WWC1: variants seen among roughly 807,000 people sequenced by gnomAD.
The protein encoded by WWC1 is WW and C2 domain containing 1, also known as protein KIBRA.
WWC1 carries 55 observed loss-of-function variants against 138.4 expected under a neutral mutation model. That is an observed-to-expected ratio of 0.40 (90% CI 0.32 to 0.50). WWC1 has a LOEUF of 0.50. WWC1 is among the 20% of genes least tolerant of loss of function. The pLI, the probability that WWC1 is intolerant of heterozygous loss-of-function variation, is 0.72. For missense variants in WWC1, 1,226 were observed against 1,420.4 expected (o/e 0.86, Z 2.20); for synonymous variants, 524 against 564.9 (o/e 0.93, Z 1.03).
chr5:168,352,201 C>T (rs1322500455), intron 1 of WWC1, among the ~76,000 whole-genome samples: 1 of 152,192 alleles, frequency 6.6e-6, no homozygotes, highest in Admixed American at 6.5e-5. Context: ...CTCAAGCTTT[C>T]TGAGCCTTAG....
At chr5:168,418,279 C>T (rs2073332061) in intron 9 of WWC1, among the ~76,000 whole-genome samples, 1 of 152,170 alleles carries the variant, frequency 6.6e-6, no homozygotes, top group South Asian at 2.1e-4. Context: ...CCCCTCCTTC[C>T]CGAGGGCCTT....
intron 17 of WWC1, among the ~76,000 whole-genome samples, chr5:168,448,177 C>T (rs372393022): frequency 6.6e-6 from 1 of 152,088 alleles, no homozygotes; most frequent in Admixed American, 6.5e-5. Context: ...AAACCATCTG[C>T]GGCCCCCTCC....
intron 19 of WWC1, 32 bp downstream of exon 19, chr5:168,455,552 C>T (rs1326801334): frequency 6.9e-6 from 11 of 1,601,138 alleles, no homozygotes; most frequent in Middle Eastern, 1.7e-4. Context: ...TTCTGCTCCC[C>T]TCAGGGTAGC....
At chr5:168,347,482 G>A in intron 1 of WWC1, among the ~76,000 whole-genome samples, 1 of 152,226 alleles carries the variant, frequency 6.6e-6, no homozygotes, top group East Asian at 1.9e-4. Context: ...TTGAGATGCT[G>A]ATATTGAAGA....
intron 10 of WWC1, 55 bp from the exon 11 acceptor site, chr5:168,423,477 CA>C (rs1406145766): frequency 1.9e-5 from 30 of 1,548,460 alleles, no homozygotes; most frequent in Non-Finnish European, 1.0e-5. Flanking sequence ...CAGAAGGTCT[CA>C]GGGGGCCCAC....
chr5:168,400,984 A>G (rs1561709366), intron 5 of WWC1, among the ~76,000 whole-genome samples: 1 of 151,708 alleles, frequency 6.6e-6, no homozygotes, highest in Non-Finnish European at 1.5e-5. Context: ...CCCTCTCTCC[A>G]AAGAAAGAAA....
chr5:168,359,961 T>C (rs765787808), intron 1 of WWC1, among the ~76,000 whole-genome samples: 8 of 152,242 alleles, frequency 5.3e-5, no homozygotes, highest in Non-Finnish European at 1.2e-4. Context: ...GAGTCCTGCT[T>C]TGGGAATGTT....
At chr5:168,392,773 T>C (rs1296180413) in intron 3 of WWC1, among the ~76,000 whole-genome samples, 1 of 152,166 alleles carries the variant, frequency 6.6e-6, no homozygotes, top group African/African-American at 2.4e-5. Context: ...CTAGTCAGCA[T>C]TTTGGGCTCC....
intron 9 of WWC1, among the ~76,000 whole-genome samples, chr5:168,416,745 A>G (rs777484798): frequency 3.3e-5 from 5 of 152,252 alleles, no homozygotes; most frequent in Non-Finnish European, 7.3e-5. Flanking sequence ...TTTCACTTGC[A>G]TAATAGGGAA....
At chr5:168,300,816 C>T (rs1770000536) in intron 1 of WWC1, among the ~76,000 whole-genome samples, 1 of 152,044 alleles carries the variant, frequency 6.6e-6, no homozygotes, top group African/African-American at 2.4e-5. Flanking sequence ...CTGGGGTAGC[C>T]CCTGGGATCC....
intron 1 of WWC1, among the ~76,000 whole-genome samples, chr5:168,341,458 A>G (rs1774029101): frequency 6.6e-6 from 1 of 152,132 alleles, no homozygotes; most frequent in Non-Finnish European, 1.5e-5. Context: ...GGACACTGCT[A>G]ACTGAGAAAA....
At chr5:168,451,011 A>T (rs191648271) in intron 17 of WWC1, among the ~76,000 whole-genome samples, 1 of 151,988 alleles carries the variant, frequency 6.6e-6, no homozygotes, top group African/African-American at 2.4e-5. Flanking sequence ...TTTTATTTTT[A>T]TTTTATTTAT....
At chr5:168,345,047 T>C (rs1774356983) in intron 1 of WWC1, among the ~76,000 whole-genome samples, 1 of 152,192 alleles carries the variant, frequency 6.6e-6, no homozygotes, top group Admixed American at 6.5e-5. Flanking sequence ...TACAAAATAT[T>C]GAAGGTTTTA....
intron 1 of WWC1, among the ~76,000 whole-genome samples, chr5:168,313,174 C>T (rs995837712): frequency 1.3e-5 from 2 of 152,062 alleles, no homozygotes; most frequent in Non-Finnish European, 2.9e-5. Context: ...TTCACAGGGC[C>T]TGGTGGTTTC....
chr5:168,331,682 G>A (rs1773044611), intron 1 of WWC1, among the ~76,000 whole-genome samples: 1 of 152,226 alleles, frequency 6.6e-6, no homozygotes, highest in South Asian at 2.1e-4. Flanking sequence ...TAACGTGATA[G>A]CTGTGGCCCC....
intron 9 of WWC1, 128 bp downstream of exon 9, chr5:168,414,718 G>C: frequency 7.6e-7 from 1 of 1,315,990 alleles, no homozygotes; most frequent in Non-Finnish European, 1.0e-6. Context: ...TCAGTTCAGA[G>C]ATCTCTCAGG....
chr5:168,433,795 C>T (rs1582283478), intron 15 of WWC1, among the ~76,000 whole-genome samples: 1 of 152,236 alleles, frequency 6.6e-6, no homozygotes, highest in African/African-American at 2.4e-5. Flanking sequence ...GTCTCCACCT[C>T]CCAAAGTTCT....
chr5:168,394,387 T>C (rs1379478457), intron 3 of WWC1, among the ~76,000 whole-genome samples: 1 of 152,196 alleles, frequency 6.6e-6, no homozygotes, highest in Non-Finnish European at 1.5e-5. Context: ...TAAGAACTAT[T>C]AAACTTTGGG....
In WWC1 at chr5:168,408,588, A is replaced by G. The variant is rs1779988683; in HGVS notation, c.802A>G (p.Ser268Gly). The G allele has an allele frequency of 1.7e-5, 28 of 1,614,058 alleles. No homozygotes were observed. The East Asian group carries it at 6.2e-4, about 36-fold the overall frequency. ...DLWSSSSSLESSSFPLPKQYL... is the reference protein window; with the variant it reads ...DLWSSSSSLEGSSFPLPKQYL... ...GTGGTCCAGCAGCAGCTCTCTGGAG[A>G]GTTCGAGTTTCCCGCTACCGAAACA... Residue 268 changes from serine to glycine, a missense_variant, in exon 7 of 23, where the codon AGT becomes GGT. Physicochemically the swap from Ser to Gly is moderately conservative, Grantham distance 56. Transcript: ENST00000265293.
Sources: allele counts gnomAD v4.1 joint callset (sites outside exome capture counted in the v4.1 genomes callset), GRCh38; gene constraint gnomAD v4.1.1; transcripts MANE v1.5; gene names NCBI Gene and HGNC (gene_info 2026-07-23, HGNC 2026-07-21).